Variants in NRG3 observed in about 807,000 individuals in gnomAD.
NRG3 encodes pro-neuregulin-3, membrane-bound isoform.
Under a neutral mutation model 66.9 loss-of-function variants are expected in NRG3, and 31 were observed. The observed-to-expected ratio is 0.46, with a 90% CI of 0.35 to 0.63. The LOEUF is 0.63. Among genes scored for constraint, NRG3 ranks in the 20% least tolerant of loss-of-function variants. The probability of loss-of-function intolerance (pLI) is 0.00; values close to 1 mark genes in which losing one functional copy is unlikely to be tolerated. For missense variants in NRG3, 910 were observed against 878.9 expected, an observed-to-expected ratio of 1.04 and a Z score of -0.45; for synonymous variants, 393 against 359.4, an observed-to-expected ratio of 1.09 and a Z score of -1.06.
intron 1 of NRG3, among the ~76,000 whole-genome samples, chr10:82,156,957 A>G (rs530906506): frequency 2.0e-3 from 307 of 151,760 alleles, no homozygotes; most frequent in African/African-American, 7.2e-3. Flanking sequence ...TTTTTAATTT[A>G]TTGCTTAATT....
intron 2 of NRG3, among the ~76,000 whole-genome samples, chr10:82,711,533 GTT>G (rs1360846708): frequency 2.3e-5 from 2 of 87,962 alleles, no homozygotes. Flanking sequence ...TTATCTGTGT[GTT>G]TGTGTGTGTG....
intron 1 of NRG3, among the ~76,000 whole-genome samples, chr10:82,275,532 T>C (rs2078803948): frequency 6.6e-6 from 1 of 152,018 alleles, no homozygotes; most frequent in African/African-American, 2.4e-5. Context: ...GCTGGATTAA[T>C]GTGATTTTCA....
intron 1 of NRG3, among the ~76,000 whole-genome samples, chr10:82,020,534 C>G (rs1013714690): frequency 1.3e-5 from 2 of 152,036 alleles, no homozygotes; most frequent in Non-Finnish European, 2.9e-5. Context: ...TATACACGAT[C>G]TCAATAAAAT....
chr10:82,926,301 A>G (rs1225032683), intron 4 of NRG3, among the ~76,000 whole-genome samples: 1 of 152,200 alleles, frequency 6.6e-6, no homozygotes, highest in East Asian at 1.9e-4. Context: ...ACCTTGTTGT[A>G]TAAGAGACTT....
At chr10:82,924,368 C>G (rs1036587362) in intron 4 of NRG3, among the ~76,000 whole-genome samples, 4 of 152,000 alleles carry the variant, frequency 2.6e-5, no homozygotes, top group Non-Finnish European at 5.9e-5. Flanking sequence ...TCTACAAACC[C>G]CATTATAATT....
intron 1 of NRG3, among the ~76,000 whole-genome samples, chr10:82,317,880 G>T (rs2135089052): frequency 6.6e-6 from 1 of 152,050 alleles, no homozygotes; most frequent in South Asian, 2.1e-4. Flanking sequence ...ACAATTTCAT[G>T]TAAGAGGAAG....
intron 1 of NRG3, among the ~76,000 whole-genome samples, chr10:82,289,260 A>T (rs561811875): frequency 1.3e-5 from 2 of 149,390 alleles, no homozygotes; most frequent in Non-Finnish European, 3.0e-5. Context: ...GAATCAGGGA[A>T]TGAGGTGAGT....
chr10:82,789,203 T>A (rs1034072274), intron 3 of NRG3, among the ~76,000 whole-genome samples: 2 of 152,110 alleles, frequency 1.3e-5, no homozygotes, highest in African/African-American at 4.8e-5. Flanking sequence ...CAAGAAATGG[T>A]ATCTCACTAG....
intron 3 of NRG3, among the ~76,000 whole-genome samples, chr10:82,854,920 G>A (rs1264123972): frequency 6.6e-6 from 1 of 152,140 alleles, no homozygotes; most frequent in Non-Finnish European, 1.5e-5. Context: ...GTATTTGGCT[G>A]CTCTAGATGA....
intron 8 of NRG3, chr10:82,984,800 C>T: frequency 6.4e-7 from 1 of 1,551,348 alleles, no homozygotes; most frequent in East Asian, 2.4e-5. Context: ...GTCAGGAAGA[C>T]TATATCCCAC....
intron 4 of NRG3, among the ~76,000 whole-genome samples, chr10:82,901,502 G>A (rs1044471759): frequency 3.9e-5 from 6 of 152,158 alleles, no homozygotes; most frequent in Admixed American, 3.9e-4. Context: ...CAAATGCCCA[G>A]AGGCCTCCTC....
In NRG3 at chr10:82,348,263, G is replaced by A. The variant is rs535936256; in HGVS notation, c.824-10476G>A. On this transcript the variant is annotated intron_variant, in intron 1 of 8. Coordinates refer to ENST00000372141, the MANE Select transcript of NRG3 (RefSeq NM_001010848.4). Reference sequence around the variant, plus strand: ...CAACAGCTCTTTTAGGGCAGGCCTGGTGGTGACAAAATCTCTCAGCATTTG... The same window carrying A: ...CAACAGCTCTTTTAGGGCAGGCCTGATGGTGACAAAATCTCTCAGCATTTG... 5.7e-4 allele frequency among the ~76,000 whole-genome samples: 87 copies of A among 152,122 alleles called. 1 individual carries two copies. In the Middle Eastern group the frequency reaches 0.01, roughly 18 times the overall value.
At chr10:82,953,037 A>G (rs1325291376) in intron 5 of NRG3, among the ~76,000 whole-genome samples, 1 of 151,932 alleles carries the variant, frequency 6.6e-6, no homozygotes, top group Non-Finnish European at 1.5e-5. Context: ...ATTACTAACT[A>G]AAGTCTGTAT....
intron 3 of NRG3, among the ~76,000 whole-genome samples, chr10:82,840,054 A>C (rs2062979541): frequency 6.6e-6 from 1 of 152,146 alleles, no homozygotes; most frequent in Non-Finnish European, 1.5e-5. Flanking sequence ...CAGTCCTAAT[A>C]TGCACATAAA....
intron 2 of NRG3, among the ~76,000 whole-genome samples, chr10:82,608,748 A>G (rs1039548676): frequency 2.0e-5 from 3 of 152,132 alleles, no homozygotes; most frequent in African/African-American, 7.2e-5. Flanking sequence ...AGGCTCTGGT[A>G]AAATAGTTTG....
chr10:82,935,727 G>A (rs764790727), intron 4 of NRG3, among the ~76,000 whole-genome samples: 1 of 152,068 alleles, frequency 6.6e-6, no homozygotes, highest in Non-Finnish European at 1.5e-5. Context: ...GGGTTCAAGC[G>A]ATTCTCCTGT....
intron 2 of NRG3, among the ~76,000 whole-genome samples, chr10:82,656,798 C>G (rs2051898936): frequency 6.6e-6 from 1 of 152,094 alleles, no homozygotes; most frequent in Admixed American, 6.6e-5. Flanking sequence ...CACATCATGC[C>G]TCATATATCT....
chr10:82,986,414 G>T lies in NRG3; in HGVS notation c.*809G>T, dbSNP rs191931526. On this transcript the variant is annotated 3_prime_UTR_variant, in exon 9 of 9. Coordinates refer to ENST00000372141, the MANE Select transcript of NRG3 (RefSeq NM_001010848.4). ...CGTGTGTGTGTGTGGACTTGCTCAC[G>T]CGGGCACATATGCTGTAAGCACATG... 1 of 152,162 alleles carries T rather than the reference G, an allele frequency of 6.6e-6. No homozygotes were observed. Among genetic ancestry groups the T allele is most frequent in the Non-Finnish European group, 1.5e-5 (1 of 68,044 alleles). 9.4% of individuals were successfully genotyped at this position (152,162 alleles called of 1,614,324 possible).
intron 1 of NRG3, among the ~76,000 whole-genome samples, chr10:82,231,394 A>G (rs1208192183): frequency 6.6e-6 from 1 of 152,142 alleles, no homozygotes; most frequent in African/African-American, 2.4e-5. Context: ...TTTAAAAGGT[A>G]ACAAAAAAGG....
Sources: allele counts gnomAD v4.1 joint callset (sites outside exome capture counted in the v4.1 genomes callset), GRCh38; gene constraint gnomAD v4.1.1; transcripts MANE v1.5; gene names NCBI Gene and HGNC (gene_info 2026-07-23, HGNC 2026-07-21).